DGKI: variants seen among roughly 807,000 people sequenced by gnomAD.
DGKI encodes DAG kinase iota.
In DGKI, 55 loss-of-function variants were observed where a neutral mutation model predicts 147.5. The observed-to-expected ratio is 0.37, with a 90% CI of 0.30 to 0.47. The LOEUF (loss-of-function observed/expected upper bound fraction) is 0.47, where lower values mean the gene tolerates loss of function less well. Among genes scored for constraint, DGKI ranks in the 20% least tolerant of loss-of-function variants. The probability of loss-of-function intolerance (pLI) is 1.00; values close to 1 mark genes in which losing one functional copy is unlikely to be tolerated. For synonymous variants in DGKI, 469 were observed against 477.1 expected, an observed-to-expected ratio of 0.98 and a Z score of 0.22; for missense variants, 1,007 against 1,323.8, an observed-to-expected ratio of 0.76 and a Z score of 3.71.
intron 21 of DGKI, among the ~76,000 whole-genome samples, chr7:137,509,422 C>T (rs1377532817): frequency 6.6e-6 from 1 of 152,054 alleles, no homozygotes; most frequent in East Asian, 1.9e-4. Context: ...GATACGAAGT[C>T]CAAGGAAGCA....
intron 1 of DGKI, among the ~76,000 whole-genome samples, chr7:137,706,877 A>G (rs1254930641): frequency 1.3e-5 from 2 of 152,162 alleles, no homozygotes; most frequent in Admixed American, 6.5e-5. Context: ...CCGCCGAAAC[A>G]CCCTTATTTT....
chr7:137,671,093 A>G (rs1822829014), intron 3 of DGKI, among the ~76,000 whole-genome samples: 1 of 152,216 alleles, frequency 6.6e-6, no homozygotes, highest in Non-Finnish European at 1.5e-5. Context: ...ACAAGGTGTA[A>G]CTGGGCTCAA....
chr7:137,558,389 T>G (rs913743068), intron 19 of DGKI, among the ~76,000 whole-genome samples: 1 of 152,224 alleles, frequency 6.6e-6, no homozygotes, highest in Admixed American at 6.5e-5. Flanking sequence ...TTCTCCTGCC[T>G]CAGCCTCCTG....
chr7:137,653,064 T>G (rs1309125603), intron 5 of DGKI, among the ~76,000 whole-genome samples: 2 of 152,200 alleles, frequency 1.3e-5, no homozygotes, highest in Non-Finnish European at 2.9e-5. Flanking sequence ...CAGCCCATCC[T>G]CAAATCAACT....
chr7:137,655,434 G>T (rs186087586), intron 4 of DGKI, among the ~76,000 whole-genome samples: 1 of 152,210 alleles, frequency 6.6e-6, no homozygotes, highest in East Asian at 1.9e-4. Flanking sequence ...TCCTGACCTC[G>T]TGATCCACCC....
chr7:137,521,658 AT>A (rs1160308415), intron 21 of DGKI, among the ~76,000 whole-genome samples: 3 of 152,122 alleles, frequency 2.0e-5, no homozygotes, highest in African/African-American at 7.2e-5. Context: ...CAGCAGAATG[AT>A]TTTATTCAGC....
At position 137,819,673 on chromosome 7, in the gene DGKI, T is replaced by C. The variant is rs531492774; in HGVS notation, c.401+26789A>G. ...TACTCATTTAGCAAATATTTGATCA[T>C]GGTTCTCTGCACAGCCCAGCACAAC... On this transcript the variant is annotated intron_variant, in intron 1 of 32. Coordinates refer to ENST00000614521, the MANE Select transcript of DGKI (RefSeq NM_001321708.2). Among the ~76,000 whole-genome samples, 3 of 152,230 alleles carry C rather than the reference T, an allele frequency of 2.0e-5. No homozygotes were observed. In the East Asian group the frequency reaches 5.8e-4, roughly 29 times the overall value.
At chr7:137,625,922 ATTATGTGAAAAGTGC>A (rs963203909) in intron 6 of DGKI, among the ~76,000 whole-genome samples, 12 of 152,046 alleles carry the variant, frequency 7.9e-5, no homozygotes, top group African/African-American at 2.7e-4. Flanking sequence ...CTCTTATGTG[ATTATGTGAAAAGTGC>A]TTATGTGAAA....
chr7:137,500,000 G>C (rs1030017954), intron 21 of DGKI, among the ~76,000 whole-genome samples: 10 of 152,098 alleles, frequency 6.6e-5, no homozygotes, highest in Admixed American at 1.3e-4. Context: ...CCTGCCTCCA[G>C]ATCTTTTAGA....
intron 12 of DGKI, 38 bp downstream of exon 12, chr7:137,597,809 G>A (rs1819849251): frequency 6.9e-6 from 11 of 1,590,764 alleles, no homozygotes; most frequent in Non-Finnish European, 9.5e-6. Flanking sequence ...AAGAAAGATA[G>A]AATTGGCAGA....
rs989602820 is a variant in DGKI, at chr7:137,473,319, A to G, written c.2374-3700T>C. 9.2e-5 allele frequency among the ~76,000 whole-genome samples: 14 copies of G among 152,272 alleles called. No homozygotes were observed. The East Asian group carries it at 2.5e-3, about 27-fold the overall frequency. On this transcript the variant is annotated intron_variant, in intron 23 of 32. Coordinates refer to ENST00000614521, the MANE Select transcript of DGKI (RefSeq NM_001321708.2). The stretch of plus-strand genomic sequence containing the variant: ...GATAACATTACAATTTTGTTTGGTG[A>G]AAACACATGGGTCGCCATAAAGCTC...
intron 1 of DGKI, among the ~76,000 whole-genome samples, chr7:137,760,258 TG>T (rs1795817691): frequency 6.6e-6 from 1 of 152,172 alleles, no homozygotes; most frequent in African/African-American, 2.4e-5. Context: ...TCCAAAACTC[TG>T]GGCTTATACC....
chr7:137,441,436 A>AAAT (rs1195066002), intron 28 of DGKI, among the ~76,000 whole-genome samples: 1 of 151,800 alleles, frequency 6.6e-6, no homozygotes, highest in African/African-American at 2.4e-5. Flanking sequence ...AAAAAAAAAA[A>AAAT]AAAAAAATCA....
intron 1 of DGKI, among the ~76,000 whole-genome samples, chr7:137,752,139 C>T (rs1479444505): frequency 6.6e-6 from 1 of 151,960 alleles, no homozygotes; most frequent in East Asian, 1.9e-4. Context: ...TATCCTATTC[C>T]AAAAGATTTC....
chr7:137,782,181 G>T (rs994446245), intron 1 of DGKI, among the ~76,000 whole-genome samples: 1 of 152,132 alleles, frequency 6.6e-6, no homozygotes, highest in East Asian at 1.9e-4. Context: ...CAATGGGAAG[G>T]CTCATGGTCT....
chr7:137,463,875 T>C (rs1195698937), intron 26 of DGKI, among the ~76,000 whole-genome samples: 8 of 152,188 alleles, frequency 5.3e-5, no homozygotes, highest in African/African-American at 1.2e-4. Flanking sequence ...TAAGAAGTAA[T>C]AGACCTAGGG....
At position 137,767,567 on chromosome 7, in the gene DGKI, A is replaced by AGAGAAG. The variant is rs962911804; in HGVS notation, c.402-77571_402-77566dup. Among the ~76,000 whole-genome samples the AGAGAAG allele has an allele frequency of 2.7e-3, 411 of 151,050 alleles. 5 individuals are homozygous for AGAGAAG. The highest frequency in any genetic ancestry group is 9.4e-3 in the African/African-American group (382 of 40,832). On this transcript the variant is annotated intron_variant, in intron 1 of 32. Coordinates refer to ENST00000614521, the MANE Select transcript of DGKI (RefSeq NM_001321708.2). ...AGGAAGAGGAAGAGAAGAGAAGAGA[A>AGAGAAG]GAGAAGGAGAAGGAGAAGAGAAGAG... is the stretch of plus-strand genomic sequence containing the variant.
rs538255628 is a variant in DGKI at position 137,656,517 on chromosome 7, A to G, written c.630T>C (p.Cys210=). The G allele has an allele frequency of 6.2e-7, 1 of 1,614,222 alleles. No homozygotes were observed. The highest frequency in any genetic ancestry group is 1.1e-5 in the South Asian group (1 of 91,092). The part of the protein sequence containing the change: ...RFAKSALRRK[C]AVCKIVVHTA... ...TGTGGACGACGATTTTACAGACTGC[A>G]CACTTCCTCCTGAGAGCTGATTTCT... Residue 210 remains cysteine (C), a synonymous_variant, in exon 4 of 33, where the codon TGT becomes TGC. Transcript: ENST00000614521.
chr7:137,649,753 A>T (rs1025941692), intron 5 of DGKI, among the ~76,000 whole-genome samples: 24 of 148,660 alleles, frequency 1.6e-4, no homozygotes, highest in Non-Finnish European at 4.5e-5. Flanking sequence ...CTATAGAAAT[A>T]AAAAATTTTA....
Sources: gnomAD v4.1 joint callset for allele counts (sites outside exome capture counted in the v4.1 genomes callset) on GRCh38, gnomAD v4.1.1 for gene constraint, MANE v1.5 for transcripts, NCBI Gene and HGNC (gene_info 2026-07-23, HGNC 2026-07-21) for gene names.